Variants in PRSS23 observed in about 807,000 individuals in gnomAD.
PRSS23 encodes the protein protease, serine 23.
In PRSS23, 25 loss-of-function variants were observed where a neutral mutation model predicts 34.7. The observed-to-expected ratio is 0.72, with a 90% CI of 0.53 to 1.01. The LOEUF is 1.01. Ranked by LOEUF, PRSS23 falls within the 50% of genes least tolerant of loss-of-function variation. The probability of loss-of-function intolerance (pLI) is 0.00; values close to 1 mark genes in which losing one functional copy is unlikely to be tolerated. For synonymous variants in PRSS23, 176 were observed against 186.6 expected, an observed-to-expected ratio of 0.94 and a Z score of 0.46; for missense variants, 445 against 475.6, an observed-to-expected ratio of 0.94 and a Z score of 0.60.
chr11:86,864,399 A>G (rs1948636435), intron 2 of PRSS23, among the ~76,000 whole-genome samples: 1 of 152,162 alleles, frequency 6.6e-6, no homozygotes, highest in East Asian at 1.9e-4. Flanking sequence ...GTTCATGTGT[A>G]GCAGAGGGGC....
intron 2 of PRSS23, among the ~76,000 whole-genome samples, chr11:86,945,237 G>C (rs1949232839): frequency 6.6e-6 from 1 of 150,888 alleles, no homozygotes; most frequent in South Asian, 2.1e-4. Flanking sequence ...GAAAAAAAAA[G>C]CCCCCTTTCC....
chr11:86,822,435 A>G (rs147471036), intron 1 of PRSS23, among the ~76,000 whole-genome samples: 43 of 152,206 alleles, frequency 2.8e-4, no homozygotes, highest in Middle Eastern at 3.4e-3. Context: ...AGCCTGGGCC[A>G]CATAGTGAGA....
Position 86,800,663 on chromosome 11 carries a change from C to T in PRSS23, c.-14+12C>T, listed in dbSNP as rs896566168. On this transcript the variant is annotated intron_variant, in intron 1 of 1. Transcript: ENST00000280258. Reference sequence around the variant, plus strand: ...GCTGCTCGGCGCGGGTGAGTGCGGGCACCGACTGGGGCATCCGCCCGGGCG... The same window carrying T: ...GCTGCTCGGCGCGGGTGAGTGCGGGTACCGACTGGGGCATCCGCCCGGGCG... 2 of 984,730 alleles carry T rather than the reference C, an allele frequency of 2.0e-6. No homozygotes were observed. The highest frequency in any genetic ancestry group is 1.7e-5 in the African/African-American group (1 of 57,190). 61.0% of individuals were successfully genotyped at this position (984,730 alleles called of 1,614,324 possible). A position where few individuals can be genotyped will look rare whatever the true frequency, so the allele number is the denominator to read the frequency against.
intron 2 of PRSS23, among the ~76,000 whole-genome samples, chr11:86,927,362 C>T (rs1469719600): frequency 6.6e-6 from 1 of 152,154 alleles, no homozygotes; most frequent in African/African-American, 2.4e-5. Context: ...GGTTATGTTC[C>T]TAACACAGTT....
intron 2 of PRSS23, among the ~76,000 whole-genome samples, chr11:86,906,288 A>G (rs1326878805): frequency 6.6e-6 from 1 of 152,176 alleles, no homozygotes; most frequent in East Asian, 1.9e-4. Flanking sequence ...CCTCGCAGCT[A>G]TTGTTTTCAT....
At chr11:86,853,795 A>G (rs1241249854) in intron 2 of PRSS23, among the ~76,000 whole-genome samples, 2 of 152,038 alleles carry the variant, frequency 1.3e-5, no homozygotes, top group Admixed American at 1.3e-4. Flanking sequence ...CATTTTTCAA[A>G]TACACTCCAT....
In PRSS23 at chr11:86,834,004, A is replaced by G. The variant is rs574082083; in HGVS notation, c.206+10411A>G. ...CAGGGGTCCATGGTAGATCTTAGTC[A>G]TGGACTGCATCTGGGGCTCCATTTG... On this transcript the variant is annotated intron_variant, in intron 2 of 2. Transcript: ENST00000533902. Among the ~76,000 whole-genome samples, 8 of 152,324 alleles carry G rather than the reference A, an allele frequency of 5.3e-5. No individual in the cohort carries two copies. The South Asian group carries it at 1.7e-3, about 32-fold the overall frequency.
At chr11:86,833,815 C>G (rs1156721051) in intron 2 of PRSS23, among the ~76,000 whole-genome samples, 2 of 152,134 alleles carry the variant, frequency 1.3e-5, no homozygotes, top group South Asian at 2.1e-4. Flanking sequence ...CTCAGTCCCC[C>G]CTCTCAACAG....
chr11:86,827,882 T>G (rs1948316193), intron 2 of PRSS23, among the ~76,000 whole-genome samples: 1 of 152,200 alleles, frequency 6.6e-6, no homozygotes, highest in Non-Finnish European at 1.5e-5. Flanking sequence ...TGTCTGATCT[T>G]TTACATTTGC....
rs182073069 is a variant in PRSS23 at position 86,934,496 on chromosome 11, C to T, written c.207-16720C>T. On this transcript the variant is annotated intron_variant, in intron 2 of 2. Transcript: ENST00000533902. Reference sequence around the variant, plus strand: ...TCCCTTCCTCTCATCCTCTCACCCACAAAAACATTTGTTTGTCTTACATAG... The same window carrying T: ...TCCCTTCCTCTCATCCTCTCACCCATAAAAACATTTGTTTGTCTTACATAG... 9.2e-5 allele frequency: 14 copies of T among 152,308 alleles called. No homozygotes were observed. The East Asian group carries it at 2.7e-3, about 29-fold the overall frequency. 9.4% of individuals were successfully genotyped at this position (152,308 alleles called of 1,614,324 possible).
chr11:86,824,045 G>A lies in PRSS23; in HGVS notation c.206+452G>A, dbSNP rs74197885. Among the ~76,000 whole-genome samples the A allele has an allele frequency of 1.7e-3, 255 of 148,482 alleles. 5 individuals are homozygous for A. The East Asian group carries it at 0.045, about 26-fold the overall frequency. ...AAAAAAAAAAAAGAATTCAGAGCAA[G>A]GGGCTTTGGTGAAGAGAAGTCAAAG... On this transcript the variant is annotated intron_variant, in intron 2 of 2. Transcript: ENST00000533902.
chr11:86,880,067 A>G (rs1382238362), intron 2 of PRSS23, among the ~76,000 whole-genome samples: 1 of 151,736 alleles, frequency 6.6e-6, no homozygotes, highest in African/African-American at 2.4e-5. Context: ...AGAAAGAGGT[A>G]GACACGGGAG....
intron 2 of PRSS23, among the ~76,000 whole-genome samples, chr11:86,873,803 C>T (rs148563485): frequency 5.9e-5 from 9 of 152,210 alleles, no homozygotes; most frequent in East Asian, 1.9e-4. Flanking sequence ...AGAGAATGAA[C>T]GGACGGAACA....
rs115008736 is a variant in PRSS23 at position 86,830,695 on chromosome 11, G to A, written c.206+7102G>A. Reference sequence around the variant, plus strand: ...TCATATCACAGGGGCTATACACCCCGTAATATTATTCGTAATATCCTAGGG... The same window carrying A: ...TCATATCACAGGGGCTATACACCCCATAATATTATTCGTAATATCCTAGGG... On this transcript the variant is annotated intron_variant, in intron 2 of 2. Transcript: ENST00000533902. Among the ~76,000 whole-genome samples, 1,372 of 152,230 alleles carry A rather than the reference G, an allele frequency of 9.0e-3. 20 individuals are homozygous for A. Among genetic ancestry groups the A allele is most frequent in the African/African-American group, 0.027 (1,114 of 41,532 alleles).
At chr11:86,887,849 C>T (rs781470544) in intron 2 of PRSS23, among the ~76,000 whole-genome samples, 7 of 152,048 alleles carry the variant, frequency 4.6e-5, no homozygotes, top group South Asian at 2.1e-4. Context: ...GTCAGGCGTT[C>T]GAGACCAGCC....
intron 2 of PRSS23, among the ~76,000 whole-genome samples, chr11:86,863,464 T>C (rs1948629482): frequency 6.6e-6 from 1 of 152,158 alleles, no homozygotes; most frequent in African/African-American, 2.4e-5. Flanking sequence ...TAGGTTCCCC[T>C]CATCAGTGAG....
rs1948795680 is a variant in PRSS23 at position 86,885,318 on chromosome 11, C to A, written c.206+61725C>A. Among the ~76,000 whole-genome samples the A allele has an allele frequency of 2.0e-5, 3 of 152,222 alleles. No homozygotes were observed. In the South Asian group the frequency reaches 6.2e-4, roughly 32 times the overall value. On this transcript the variant is annotated intron_variant, in intron 2 of 2. Transcript: ENST00000533902. ...GGCACTGTGATGGAATAATATTATG[C>A]ACACCATATGACTCTCTTTGTCAAA...
Position 86,829,428 on chromosome 11 carries a change from C to G in PRSS23, c.206+5835C>G, listed in dbSNP as rs1948331916. Among the ~76,000 whole-genome samples, 4 of 152,194 alleles carry G rather than the reference C, an allele frequency of 2.6e-5. No individual in the cohort carries two copies. In the South Asian group the frequency reaches 8.3e-4, roughly 32 times the overall value. The stretch of plus-strand genomic sequence containing the variant: ...TTTTCAAAGTTTTCAACTTCTTTGC[C>G]TTTGGTTTGAATTTCCTCCTGTAGC... On this transcript the variant is annotated intron_variant, in intron 2 of 2. Coordinates refer to the PRSS23 transcript ENST00000533902.
intron 2 of PRSS23, among the ~76,000 whole-genome samples, chr11:86,859,640 A>G (rs747267878): frequency 1.3e-5 from 2 of 151,888 alleles, no homozygotes; most frequent in African/African-American, 2.4e-5. Flanking sequence ...CCTTTGTAAT[A>G]TTGTTCCTAG....
Sources: allele counts gnomAD v4.1 joint callset (sites outside exome capture counted in the v4.1 genomes callset), GRCh38; gene constraint gnomAD v4.1.1; transcripts MANE v1.5; gene names NCBI Gene and HGNC (gene_info 2026-07-23, HGNC 2026-07-21).